PHACTR3: variants seen among roughly 807,000 people sequenced by gnomAD.
PHACTR3 encodes protein phosphatase 1, regulatory subunit 123.
A neutral mutation model predicts 66.8 loss-of-function variants in PHACTR3; 16 were observed. The observed-to-expected ratio is 0.24, with a 90% confidence interval of 0.16 to 0.36. The LOEUF is 0.36. Among genes scored for constraint, PHACTR3 ranks in the 10% least tolerant of loss-of-function variants. The pLI is 1.00. For missense variants in PHACTR3, 647 were observed against 719.9 expected (o/e 0.90, Z 1.16); for synonymous variants, 323 against 292.1 (o/e 1.11, Z -1.08).
chr20:59,781,923 A>G (rs2040739351), intron 7 of PHACTR3, among the ~76,000 whole-genome samples: 1 of 152,158 alleles, frequency 6.6e-6, no homozygotes, highest in Non-Finnish European at 1.5e-5. Context: ...ACAAGAGTAA[A>G]GGGACATACG....
At chr20:59,712,658 A>G (rs1415385011) in intron 1 of PHACTR3, among the ~76,000 whole-genome samples, 2 of 152,214 alleles carry the variant, frequency 1.3e-5, no homozygotes. Context: ...ATTCACTGAA[A>G]ACACATTTGT....
chr20:59,643,741 T>C (rs967045918), intron 1 of PHACTR3, among the ~76,000 whole-genome samples: 1 of 151,672 alleles, frequency 6.6e-6, no homozygotes, highest in Non-Finnish European at 1.5e-5. Flanking sequence ...CTGTGTGGAG[T>C]GTTCAGGGCA....
At chr20:59,826,985 C>T (rs535293900) in intron 8 of PHACTR3, among the ~76,000 whole-genome samples, 1 of 152,254 alleles carries the variant, frequency 6.6e-6, no homozygotes, top group Admixed American at 6.5e-5. Flanking sequence ...TCCCTGCTCC[C>T]CTCCCTTCTC....
At chr20:59,606,857 A>G (rs190361562) in intron 1 of PHACTR3, among the ~76,000 whole-genome samples, 3 of 152,262 alleles carry the variant, frequency 2.0e-5, no homozygotes, top group Admixed American at 1.3e-4. Context: ...CTCTGGTGCA[A>G]CTGGTCTAAA....
At chr20:59,587,773 G>A (rs2033076581) in intron 1 of PHACTR3, among the ~76,000 whole-genome samples, 1 of 152,192 alleles carries the variant, frequency 6.6e-6, no homozygotes, top group Non-Finnish European at 1.5e-5. Context: ...GCTGGGGCTG[G>A]GGCCTGGGCC....
At chr20:59,703,778 C>T (rs17731874) in intron 1 of PHACTR3, among the ~76,000 whole-genome samples, 18,405 of 151,988 alleles carry the variant, frequency 0.12, 1,450 homozygotes, top group Non-Finnish European at 0.17. Flanking sequence ...CCTCATTGCT[C>T]TATAGAGAGT....
At chr20:59,638,805 GATGGACGA>G (rs763076413) in intron 1 of PHACTR3, among the ~76,000 whole-genome samples, 1,792 of 148,524 alleles carry the variant, frequency 0.012, 43 homozygotes, top group African/African-American at 0.042. Flanking sequence ...TAGATGGATG[GATGGACGA>G]ATGGATGGGT....
At chr20:59,740,991 C>T (rs1189176794) in intron 1 of PHACTR3, among the ~76,000 whole-genome samples, 1 of 152,242 alleles carries the variant, frequency 6.6e-6, no homozygotes, top group Non-Finnish European at 1.5e-5. Context: ...TGACCCCTTC[C>T]CTGGGTCTGA....
At chr20:59,769,338 C>T (rs1359428109) in intron 5 of PHACTR3, among the ~76,000 whole-genome samples, 1 of 152,222 alleles carries the variant, frequency 6.6e-6, no homozygotes, top group Non-Finnish European at 1.5e-5. Flanking sequence ...TCAAGCTGAG[C>T]TCATGCTGGA....
chr20:59,691,360 A>G (rs1321783244), intron 1 of PHACTR3, among the ~76,000 whole-genome samples: 1 of 152,182 alleles, frequency 6.6e-6, no homozygotes. Context: ...GAGCCAACCT[A>G]CTTTTCTATT....
At chr20:59,838,457 GGATA>G (rs10610808) in intron 9 of PHACTR3, among the ~76,000 whole-genome samples, 12,200 of 152,180 alleles carry the variant, frequency 0.08, 949 homozygotes, top group African/African-American at 0.2. Context: ...ACTATAACGT[GGATA>G]GAAAAGCAGA....
Position 59,755,384 on chromosome 20 carries a change from C to A in PHACTR3, c.541+20C>A, listed in dbSNP as rs752675152. Reference sequence around the variant, plus strand: ...ATGCAGGTACTGGCTGGAGACCACGCGAAGTTGAGCTGCTCCTAGAATGGC... The same window carrying A: ...ATGCAGGTACTGGCTGGAGACCACGAGAAGTTGAGCTGCTCCTAGAATGGC... On this transcript the variant is annotated intron_variant, in intron 4 of 12. Transcript: ENST00000371015. The A allele has an allele frequency of 6.2e-7, 1 of 1,609,550 alleles. No homozygotes were observed. The highest frequency in any genetic ancestry group is 8.5e-7 in the Non-Finnish European group (1 of 1,178,872).
chr20:59,647,701 C>T (rs761302937), intron 1 of PHACTR3, among the ~76,000 whole-genome samples: 3 of 152,172 alleles, frequency 2.0e-5, no homozygotes, highest in Non-Finnish European at 4.4e-5. Context: ...CATACAGCCA[C>T]ACACACACCC....
rs145817118 is a variant in PHACTR3, at chr20:59,842,589, G to A, written c.1587+1054G>A. Reference sequence around the variant, plus strand: ...TGTTTTCAGTCTCATCAGGTCCCTCGAGTGTTTATCTGAGAAAGAAGTACA... The same window carrying A: ...TGTTTTCAGTCTCATCAGGTCCCTCAAGTGTTTATCTGAGAAAGAAGTACA... On this transcript the variant is annotated intron_variant, in intron 11 of 12. Transcript: ENST00000371015. Among the ~76,000 whole-genome samples, 4 of 152,234 alleles carry A rather than the reference G, an allele frequency of 2.6e-5. No individual in the cohort carries two copies. The South Asian group carries it at 6.2e-4, about 24-fold the overall frequency.
At chr20:59,663,165 T>C (rs1251808522) in intron 1 of PHACTR3, among the ~76,000 whole-genome samples, 4 of 152,188 alleles carry the variant, frequency 2.6e-5, no homozygotes, top group Non-Finnish European at 5.9e-5. Flanking sequence ...CTCCTCCTCT[T>C]AGAATGACAC....
chr20:59,590,296 A>AT (rs911946070), intron 1 of PHACTR3, among the ~76,000 whole-genome samples: 1 of 152,204 alleles, frequency 6.6e-6, no homozygotes, highest in African/African-American at 2.4e-5. Flanking sequence ...TTTGAGGGAC[A>AT]TTTAGGTTGT....
At chr20:59,815,318 T>C (rs1034957011) in intron 8 of PHACTR3, among the ~76,000 whole-genome samples, 1 of 152,098 alleles carries the variant, frequency 6.6e-6, no homozygotes, top group African/African-American at 2.4e-5. Context: ...GAACTCATCA[T>C]ACCCAGGATC....
chr20:59,698,081 G>A (rs2037365513), intron 1 of PHACTR3, among the ~76,000 whole-genome samples: 1 of 152,074 alleles, frequency 6.6e-6, no homozygotes, highest in Non-Finnish European at 1.5e-5. Flanking sequence ...TGAAAAACTG[G>A]GAAAAAATCC....
At chr20:59,630,136 T>C (rs367825698) in intron 1 of PHACTR3, among the ~76,000 whole-genome samples, 3 of 152,278 alleles carry the variant, frequency 2.0e-5, no homozygotes, top group Admixed American at 6.5e-5. Flanking sequence ...AAATGAACTA[T>C]TAATTTTATA....
Sources: gnomAD v4.1 joint callset for allele counts (sites outside exome capture counted in the v4.1 genomes callset) on GRCh38, gnomAD v4.1.1 for gene constraint, MANE v1.5 for transcripts, NCBI Gene and HGNC (gene_info 2026-07-23, HGNC 2026-07-21) for gene names.